The following FSAF1 variants were observed in gnomAD, a reference collection of about 807,000 sequenced individuals.
FSAF1 encodes the protein uncharacterized protein C1orf131.
the FSAF1 span, among the ~76,000 whole-genome samples, chr1:231,227,887 C>T: frequency 6.6e-5 from 10 of 152,138 alleles, no homozygotes; most frequent in Admixed American, 1.3e-4. Flanking sequence ...CCGCGCCCCG[C>T]CCTCTCTCAT....
chr1:231,230,661 G>A, the FSAF1 span, among the ~76,000 whole-genome samples: 1 of 152,164 alleles, frequency 6.6e-6, no homozygotes, highest in Non-Finnish European at 1.5e-5. Context: ...CTGTGCTTCT[G>A]CTTAGCCTGG....
the FSAF1 span, chr1:231,229,269 C>T: frequency 4.2e-6 from 5 of 1,178,592 alleles, no homozygotes; most frequent in East Asian, 2.4e-5. Context: ...TATCTATCAC[C>T]GAAAGAGTAG....
At chr1:231,227,744 A>G in the FSAF1 span, among the ~76,000 whole-genome samples, 1 of 151,902 alleles carries the variant, frequency 6.6e-6, no homozygotes, top group Non-Finnish European at 1.5e-5. Flanking sequence ...ACCTGCCACC[A>G]TGCCCAGCTA....
At chr1:231,231,240 G>A in the FSAF1 span, among the ~76,000 whole-genome samples, 1 of 152,174 alleles carries the variant, frequency 6.6e-6, no homozygotes, top group East Asian at 1.9e-4. Flanking sequence ...ACCAGAAAGA[G>A]TCTTATTCCT....
At chr1:231,228,777 A>C in the FSAF1 span, among the ~76,000 whole-genome samples, 1 of 152,204 alleles carries the variant, frequency 6.6e-6, no homozygotes, top group East Asian at 1.9e-4. Context: ...ACCTGAGGTC[A>C]GTAGTTCGAG....
chr1:231,236,631 C>G, the FSAF1 span: 1 of 152,108 alleles, frequency 6.6e-6, no homozygotes, highest in Non-Finnish European at 1.5e-5. Context: ...ACTTTCCATT[C>G]CAGAAAAAAG....
chr1:231,229,277 T>C, the FSAF1 span: 11 of 1,125,660 alleles, frequency 9.8e-6, no homozygotes, highest in Non-Finnish European at 1.4e-5. Flanking sequence ...ACCGAAAGAG[T>C]AGACATGTTT....
chr1:231,226,160 G>T, the FSAF1 span, among the ~76,000 whole-genome samples: 1 of 152,120 alleles, frequency 6.6e-6, no homozygotes, highest in Non-Finnish European at 1.5e-5. Context: ...GGAGGTGTTT[G>T]GGTCATGGCA....
chr1:231,227,085 T>A, the FSAF1 span: 1 of 1,613,152 alleles, frequency 6.2e-7, no homozygotes, highest in East Asian at 2.2e-5. Flanking sequence ...ACACAAAGCA[T>A]AATCAGACGC....
At chr1:231,230,100 G>A in the FSAF1 span, among the ~76,000 whole-genome samples, 1 of 152,182 alleles carries the variant, frequency 6.6e-6, no homozygotes, top group African/African-American at 2.4e-5. Context: ...CAAGCATGTT[G>A]CTCAAAATCC....
the FSAF1 span, among the ~76,000 whole-genome samples, chr1:231,240,462 T>TCTC: frequency 2.0e-5 from 3 of 152,052 alleles, no homozygotes; most frequent in Non-Finnish European, 2.9e-5. The surrounding 1 kb of genome is among the most constrained non-coding windows in gnomAD (Gnocchi z 4.1). Context: ...CCATGCGACT[T>TCTC]TAATAGGCTC....
At chr1:231,233,685 T>C in the FSAF1 span, among the ~76,000 whole-genome samples, 1 of 152,134 alleles carries the variant, frequency 6.6e-6, no homozygotes, top group South Asian at 2.1e-4. Context: ...CCTGAGTAGC[T>C]GGAACTACAG....
the FSAF1 span, among the ~76,000 whole-genome samples, chr1:231,235,508 A>G: frequency 6.6e-6 from 1 of 151,444 alleles, no homozygotes; most frequent in South Asian, 2.1e-4. Context: ...AAAAAAAAAA[A>G]GGGACATGAT....
the FSAF1 span, chr1:231,226,639 C>T: frequency 1.9e-6 from 2 of 1,065,216 alleles, no homozygotes; most frequent in Non-Finnish European, 2.9e-6. Flanking sequence ...AACTCTGGTG[C>T]CTTCATTGCT....
At chr1:231,225,121 G>A in the FSAF1 span, 19 of 266,458 alleles carry the variant, frequency 7.1e-5, no homozygotes, top group Admixed American at 7.6e-4. Context: ...TCATAATTAC[G>A]GTGCTCTATC....
the FSAF1 span, chr1:231,239,137 T>C: frequency 1.2e-6 from 2 of 1,601,064 alleles, no homozygotes; most frequent in Non-Finnish European, 1.7e-6. Context: ...TCTCTTCTTG[T>C]TTTCCCTTTT....
chr1:231,234,231 A>T, the FSAF1 span, among the ~76,000 whole-genome samples: 5 of 152,156 alleles, frequency 3.3e-5, no homozygotes, highest in Admixed American at 3.3e-4. This position sits in a 1 kb window ranked among gnomAD's most constrained non-coding sequence, Gnocchi z 4.0. Context: ...CTATTCTATT[A>T]TGTGTTTCTT....
chr1:231,232,357 C>A, the FSAF1 span, among the ~76,000 whole-genome samples: 1 of 152,112 alleles, frequency 6.6e-6, no homozygotes, highest in African/African-American at 2.4e-5. Flanking sequence ...CAAAGAAACA[C>A]GAGCAGAGGG....
chr1:231,224,675 AGC>A, the FSAF1 span: 1 of 426,096 alleles, frequency 2.3e-6, no homozygotes, highest in South Asian at 5.4e-5. Context: ...TTCAGTTCTC[AGC>A]TCCGATGTCA....
Sources: allele counts gnomAD v4.1 joint callset (sites outside exome capture counted in the v4.1 genomes callset), GRCh38; gene constraint gnomAD v4.1.1; non-coding constraint Gnocchi (gnomAD v3.1); transcripts MANE v1.5; gene names NCBI Gene and HGNC (gene_info 2026-07-23, HGNC 2026-07-21).